The following NCAM2 variants were observed in gnomAD, a reference collection of about 807,000 sequenced individuals.
NCAM2 encodes N-CAM-2.
A neutral mutation model predicts 98.1 loss-of-function variants in NCAM2; 30 were observed. That is an observed-to-expected ratio of 0.31 (90% CI 0.23 to 0.41). The LOEUF (loss-of-function observed/expected upper bound fraction) is 0.41. Among genes scored for constraint, NCAM2 ranks in the 10% least tolerant of loss-of-function variants. NCAM2 has a pLI of 1.00. For synonymous variants in NCAM2, 368 were observed against 342.4 expected, an observed-to-expected ratio of 1.07 and a Z score of -0.83; for missense variants, 867 against 1,005.8, an observed-to-expected ratio of 0.86 and a Z score of 1.87.
chr21:21,026,872 T>C (rs1193733111), intron 1 of NCAM2, among the ~76,000 whole-genome samples: 1 of 145,888 alleles, frequency 6.9e-6, no homozygotes, highest in Non-Finnish European at 1.5e-5. Context: ...TTTTTTTTTT[T>C]TTGAGACAGC....
At chr21:21,371,312 T>C (rs1275058038) in intron 8 of NCAM2, among the ~76,000 whole-genome samples, 1 of 151,868 alleles carries the variant, frequency 6.6e-6, no homozygotes, top group Non-Finnish European at 1.5e-5. Flanking sequence ...TCTGTCTACA[T>C]ATTTAGCAGT....
At chr21:21,224,056 A>G (rs1475067538) in intron 1 of NCAM2, among the ~76,000 whole-genome samples, 2 of 152,136 alleles carry the variant, frequency 1.3e-5, no homozygotes, top group East Asian at 1.9e-4. Flanking sequence ...CTCAGAAAGT[A>G]CTTTTCTTGT....
At chr21:21,094,732 C>T (rs2205334) in intron 1 of NCAM2, among the ~76,000 whole-genome samples, 60,283 of 151,350 alleles carry the variant, frequency 0.4, 14,847 homozygotes, top group African/African-American at 0.7. Context: ...GGATTTTAGA[C>T]ATGACATTAT....
chr21:21,406,968 A>G (rs1311039003), intron 9 of NCAM2, among the ~76,000 whole-genome samples: 2 of 152,162 alleles, frequency 1.3e-5, no homozygotes, highest in Admixed American at 6.6e-5. Flanking sequence ...CTTATGCTAT[A>G]TTCTTTTCTC....
chr21:21,003,382 G>A (rs1471855863), intron 1 of NCAM2, among the ~76,000 whole-genome samples: 1 of 152,108 alleles, frequency 6.6e-6, no homozygotes, highest in Non-Finnish European at 1.5e-5. Flanking sequence ...AACTCACAGG[G>A]ATGAAGAAAA....
chr21:21,541,329 G>A lies in NCAM2; in HGVS notation c.*3372G>A, dbSNP rs527738820. ...CTCAAATGATGCTGTCTTATTTACA[G>A]TCAGTAATTAAGTTCAATTCAAACT... On this transcript the variant is annotated 3_prime_UTR_variant, in exon 18 of 18. Coordinates refer to ENST00000400546, the MANE Select transcript of NCAM2 (RefSeq NM_004540.5). 4 of 151,620 alleles carry A rather than the reference G, an allele frequency of 2.6e-5. No individual in the cohort carries two copies. In the South Asian group the frequency reaches 6.2e-4, roughly 24 times the overall value. 9.4% of individuals were successfully genotyped at this position (151,620 alleles called of 1,614,324 possible).
chr21:21,462,114 G>T (rs1385335929), intron 12 of NCAM2, among the ~76,000 whole-genome samples: 1 of 152,022 alleles, frequency 6.6e-6, no homozygotes, highest in African/African-American at 2.4e-5. Context: ...AGATCTATCT[G>T]AGGGGATTAA....
At position 21,324,483 on chromosome 21, in the gene NCAM2, C is replaced by T. The variant is rs372783673; in HGVS notation, c.720C>T (p.Pro240=). The change falls in exon 6 of 18, where the codon CCC becomes CCT. Residue 240 remains proline, a synonymous_variant. Coordinates refer to ENST00000400546, the MANE Select transcript of NCAM2 (RefSeq NM_004540.5). ...GCAGGGCCTCAGGCTCTCCAGAACC[C>T]GCCATCTCCTGGTTCAGGTAGGTTA... The part of the protein sequence containing the change: ...FSCRASGSPE[P]AISWFRNGKL... 31 of 1,610,898 alleles carry T rather than the reference C, an allele frequency of 1.9e-5. No individual in the cohort carries two copies. The highest frequency in any genetic ancestry group is 1.6e-4 in the Middle Eastern group (1 of 6,070).
At chr21:21,524,037 T>C (rs1186008981) in intron 16 of NCAM2, among the ~76,000 whole-genome samples, 1 of 128,068 alleles carries the variant, frequency 7.8e-6, no homozygotes, top group African/African-American at 3.1e-5. Context: ...CCAGATATTG[T>C]CCACACACAC....
intron 1 of NCAM2, among the ~76,000 whole-genome samples, chr21:21,243,817 G>A (rs911783597): frequency 1.3e-4 from 20 of 152,118 alleles, no homozygotes; most frequent in Admixed American, 5.2e-4. Flanking sequence ...GGGTTGTATC[G>A]GTCCTATTCA....
chr21:21,046,542 A>G (rs2065010228), intron 1 of NCAM2, among the ~76,000 whole-genome samples: 1 of 151,978 alleles, frequency 6.6e-6, no homozygotes, highest in Non-Finnish European at 1.5e-5. Flanking sequence ...TTTTCAACCA[A>G]CACTTCCAAC....
At chr21:21,018,622 A>T (rs1342117114) in intron 1 of NCAM2, among the ~76,000 whole-genome samples, 1 of 152,218 alleles carries the variant, frequency 6.6e-6, no homozygotes, top group Non-Finnish European at 1.5e-5. Context: ...TACTAAATAG[A>T]TTATCTGCTT....
chr21:21,517,207 T>A (rs1282541770), intron 16 of NCAM2, among the ~76,000 whole-genome samples: 2 of 152,228 alleles, frequency 1.3e-5, no homozygotes, highest in Non-Finnish European at 2.9e-5. Flanking sequence ...ATTTTCTATT[T>A]CATCAACTTG....
chr21:21,256,013 A>G (rs1161516572), intron 1 of NCAM2, among the ~76,000 whole-genome samples: 1 of 152,214 alleles, frequency 6.6e-6, no homozygotes, highest in Non-Finnish European at 1.5e-5. Context: ...CCAAATTTCA[A>G]TAATGTAGTG....
At chr21:21,414,473 GTTT>G (rs35280147) in intron 10 of NCAM2, among the ~76,000 whole-genome samples, 1 of 137,446 alleles carries the variant, frequency 7.3e-6, no homozygotes, top group Non-Finnish European at 1.5e-5. Flanking sequence ...TTTGTTGTGT[GTTT>G]TTTTTTTTTT....
At chr21:21,311,335 A>ATTTTTT in intron 5 of NCAM2, among the ~76,000 whole-genome samples, 1 of 108,620 alleles carries the variant, frequency 9.2e-6, no homozygotes, top group Non-Finnish European at 1.8e-5. Flanking sequence ...AATATGGGGC[A>ATTTTTT]TTTTTTTTTT....
intron 3 of NCAM2, among the ~76,000 whole-genome samples, 191 bp from the exon 4 acceptor site, chr21:21,286,078 G>T (rs945148257): frequency 2.6e-5 from 4 of 151,890 alleles, no homozygotes; most frequent in Admixed American, 2.0e-4. Flanking sequence ...AAGATCTTTG[G>T]ATTTTATTCT....
chr21:21,396,451 C>T (rs888005132), intron 9 of NCAM2, among the ~76,000 whole-genome samples: 2 of 152,180 alleles, frequency 1.3e-5, no homozygotes, highest in Non-Finnish European at 2.9e-5. Flanking sequence ...TACAGTGTCA[C>T]TTTGCCAGCC....
At chr21:21,274,850 CAGTT>C (rs1303925870) in intron 1 of NCAM2, among the ~76,000 whole-genome samples, 1 of 152,100 alleles carries the variant, frequency 6.6e-6, no homozygotes, top group Non-Finnish European at 1.5e-5. Context: ...CTGTGTCAGA[CAGTT>C]AGAAGGCTGG....
Sources: allele counts gnomAD v4.1 joint callset (sites outside exome capture counted in the v4.1 genomes callset), GRCh38; gene constraint gnomAD v4.1.1; transcripts MANE v1.5; gene names NCBI Gene and HGNC (gene_info 2026-07-23, HGNC 2026-07-21).